MDGA2: variants seen among roughly 807,000 people sequenced by gnomAD.
MDGA2 encodes the protein MAM domain containing glycosylphosphatidylinositol anchor 2, also known as MAM domain-containing glycosylphosphatidylinositol anchor protein 2.
A neutral mutation model predicts 117.8 loss-of-function variants in MDGA2; 40 were observed. The ratio of observed to expected loss-of-function variants is 0.34; its 90% CI spans 0.26 to 0.44. The LOEUF (loss-of-function observed/expected upper bound fraction) is 0.44, where lower values mean the gene tolerates loss of function less well. MDGA2 is among the 20% of genes least tolerant of loss of function. The pLI is 1.00. For synonymous variants in MDGA2, 452 were observed against 439.0 expected (o/e 1.03, Z -0.37); for missense variants, 1,123 against 1,250.6 (o/e 0.90, Z 1.54).
At chr14:47,349,194 T>C (rs1035633971) in intron 1 of MDGA2, among the ~76,000 whole-genome samples, 3 of 152,154 alleles carry the variant, frequency 2.0e-5, no homozygotes, top group African/African-American at 7.2e-5. Flanking sequence ...GGGAGACAAG[T>C]GCTAATAGAA....
At chr14:46,860,797 C>A (rs550733463) in intron 14 of MDGA2, among the ~76,000 whole-genome samples, 14 of 151,926 alleles carry the variant, frequency 9.2e-5, no homozygotes, top group Middle Eastern at 6.8e-3. Flanking sequence ...GTCCACTGTT[C>A]TCTTATATTC....
At chr14:47,454,085 C>T (rs1217597849) in intron 1 of MDGA2, among the ~76,000 whole-genome samples, 2 of 152,204 alleles carry the variant, frequency 1.3e-5, no homozygotes, top group Non-Finnish European at 2.9e-5. Flanking sequence ...TGTACTCCCT[C>T]TGCTACTAGA....
At chr14:46,897,109 A>T (rs975927638) in intron 10 of MDGA2, among the ~76,000 whole-genome samples, 1 of 152,132 alleles carries the variant, frequency 6.6e-6, no homozygotes, top group Non-Finnish European at 1.5e-5. Flanking sequence ...ACATATTTTA[A>T]ATGTTTTTCA....
chr14:47,088,354 A>T (rs1410731914), intron 6 of MDGA2, among the ~76,000 whole-genome samples: 2 of 152,190 alleles, frequency 1.3e-5, no homozygotes, highest in Non-Finnish European at 2.9e-5. Context: ...GGGAAAAGAG[A>T]AATAAGCACT....
chr14:47,282,639 G>T (rs1373706523), intron 2 of MDGA2, among the ~76,000 whole-genome samples: 2 of 151,830 alleles, frequency 1.3e-5, no homozygotes, highest in Non-Finnish European at 2.9e-5. Flanking sequence ...TGGAGCTTCA[G>T]TGAGCCGAGA....
chr14:46,859,618 TTTCTC>T lies in MDGA2; in HGVS notation c.2753-4469_2753-4465del, dbSNP rs201908103. On this transcript the variant is annotated intron_variant, in intron 14 of 16. Coordinates refer to ENST00000399232, the MANE Select transcript of MDGA2 (RefSeq NM_001113498.3). Reference sequence around the variant, plus strand: ...TGGAGATCACTCCATTAGTTTCTCTTTTCTCATCCATTGCAGTCCTACCCTGTTTT... The same window carrying T: ...TGGAGATCACTCCATTAGTTTCTCTTATCCATTGCAGTCCTACCCTGTTTT... Among the ~76,000 whole-genome samples, 6 of 152,268 alleles carry T rather than the reference TTTCTC, an allele frequency of 3.9e-5. No homozygotes were observed. The East Asian group carries it at 1.2e-3, about 29-fold the overall frequency.
chr14:47,051,288 A>C (rs561223619), intron 7 of MDGA2, among the ~76,000 whole-genome samples: 4 of 152,014 alleles, frequency 2.6e-5, no homozygotes, highest in Admixed American at 1.3e-4. Flanking sequence ...CTAATAATTA[A>C]GACATGTAGG....
rs1020632909 is a variant in MDGA2 at position 47,283,826 on chromosome 14, G to A, written c.420+17585C>T. Among the ~76,000 whole-genome samples the A allele has an allele frequency of 9.2e-5, 14 of 152,246 alleles. No individual in the cohort carries two copies. In the East Asian group the frequency reaches 2.7e-3, roughly 29 times the overall value. On this transcript the variant is annotated intron_variant, in intron 2 of 16. Transcript: ENST00000399232. ...AAATAAACAGCAAGACAGTGGAAAA[G>A]TCCTGGAGTTAGTTACATTGGCTGT... is the stretch of plus-strand genomic sequence containing the variant.
chr14:46,910,622 T>C (rs1883661835), intron 10 of MDGA2, among the ~76,000 whole-genome samples: 1 of 151,238 alleles, frequency 6.6e-6, no homozygotes, highest in Admixed American at 6.6e-5. Flanking sequence ...ACAATGGGAG[T>C]TCTGGCCAGA....
At chr14:47,642,461 G>A (rs981176520) in intron 1 of MDGA2, among the ~76,000 whole-genome samples, 7 of 151,990 alleles carry the variant, frequency 4.6e-5, no homozygotes, top group Admixed American at 2.0e-4. Flanking sequence ...CCAAAAGAGG[G>A]CTTCGAGAGA....
intron 1 of MDGA2, among the ~76,000 whole-genome samples, chr14:47,631,712 CTTTCCAG>C (rs1897250925): frequency 6.6e-6 from 1 of 152,132 alleles, no homozygotes; most frequent in African/African-American, 2.4e-5. Flanking sequence ...CAACACTGCA[CTTTCCAG>C]GCTTTTTCTC....
At chr14:47,516,716 G>C (rs1201616832) in intron 1 of MDGA2, among the ~76,000 whole-genome samples, 1 of 152,174 alleles carries the variant, frequency 6.6e-6, no homozygotes, top group Non-Finnish European at 1.5e-5. Flanking sequence ...AAGCACTGCA[G>C]ATAAGCAAAG....
chr14:47,034,863 G>T (rs1259138386), intron 8 of MDGA2, 148 bp downstream of exon 8: 6 of 735,166 alleles, frequency 8.2e-6, no homozygotes, highest in Non-Finnish European at 1.3e-5. Flanking sequence ...AATGTAGAAT[G>T]TAGAAATAGT....
chr14:47,103,716 T>G (rs900356395), intron 5 of MDGA2, among the ~76,000 whole-genome samples: 1 of 152,234 alleles, frequency 6.6e-6, no homozygotes, highest in African/African-American at 2.4e-5. Flanking sequence ...TAGGAAGAGA[T>G]GCGATTCATA....
At position 47,143,980 on chromosome 14, in the gene MDGA2, A is replaced by G. The variant is rs540067789; in HGVS notation, c.792+98T>C. 26 of 921,706 alleles carry G rather than the reference A, an allele frequency of 2.8e-5. 1 individual carries two copies. In the South Asian group the frequency reaches 6.6e-4, roughly 23 times the overall value. The allele number at this position is 921,706 out of a possible 1,614,324, so 57.1% of individuals were successfully genotyped here. On this transcript the variant is annotated intron_variant, in intron 4 of 16. Coordinates refer to ENST00000399232, the MANE Select transcript of MDGA2 (RefSeq NM_001113498.3). ...ACATTGGTTTTTGAAAGGCCAGAAT[A>G]GAGAAACTATCTTTTCAAATAGCTA... is the stretch of plus-strand genomic sequence containing the variant.
chr14:47,242,659 T>C (rs996438824), intron 2 of MDGA2, among the ~76,000 whole-genome samples: 32 of 151,808 alleles, frequency 2.1e-4, no homozygotes, highest in African/African-American at 5.8e-4. Context: ...GATTTCTCGC[T>C]GGGCCTTGGC....
intron 6 of MDGA2, among the ~76,000 whole-genome samples, chr14:47,083,794 A>G (rs74044903): frequency 6.6e-6 from 1 of 152,208 alleles, no homozygotes; most frequent in African/African-American, 2.4e-5. Flanking sequence ...GATAATGTAG[A>G]CTTTAGGGCA....
At chr14:47,571,979 G>A (rs974825977) in intron 1 of MDGA2, among the ~76,000 whole-genome samples, 1 of 152,066 alleles carries the variant, frequency 6.6e-6, no homozygotes, top group Non-Finnish European at 1.5e-5. Flanking sequence ...TACATACTTT[G>A]CTCATTTGTT....
chr14:47,565,504 G>A (rs1400713227), intron 1 of MDGA2, among the ~76,000 whole-genome samples: 3 of 152,202 alleles, frequency 2.0e-5, no homozygotes, highest in African/African-American at 4.8e-5. Context: ...AACCTGCTGA[G>A]CTGGAGGGGC....
Sources: allele counts gnomAD v4.1 joint callset (sites outside exome capture counted in the v4.1 genomes callset), GRCh38; gene constraint gnomAD v4.1.1; transcripts MANE v1.5; gene names NCBI Gene and HGNC (gene_info 2026-07-23, HGNC 2026-07-21).